SEMA3D: variants seen among roughly 807,000 people sequenced by gnomAD.
The protein encoded by SEMA3D is semaphorin 3D, also known as semaphorin-3D.
A neutral mutation model predicts 100.1 loss-of-function variants in SEMA3D; 84 were observed. The ratio of observed to expected loss-of-function variants is 0.84; its 90% CI spans 0.70 to 1.01. SEMA3D has a LOEUF of 1.01. Ranked by LOEUF, SEMA3D falls within the 50% of genes least tolerant of loss-of-function variation. The probability of loss-of-function intolerance (pLI) is 0.00; values close to 1 mark genes in which losing one functional copy is unlikely to be tolerated. For missense variants in SEMA3D, 875 were observed against 934.1 expected (o/e 0.94, Z 0.82); for synonymous variants, 312 against 320.7 (o/e 0.97, Z 0.29).
the SEMA3D span, among the ~76,000 whole-genome samples, chr7:85,224,311 T>C: frequency 1.3e-5 from 2 of 152,316 alleles, no homozygotes; most frequent in South Asian, 4.1e-4. Context: ...TCTGAATGCC[T>C]GCAGCAAATC....
the SEMA3D span, among the ~76,000 whole-genome samples, chr7:85,216,580 T>C: frequency 3.9e-5 from 6 of 151,982 alleles, no homozygotes; most frequent in Admixed American, 2.0e-4. Context: ...AAGAACACAA[T>C]GATTGCTCTT....
chr7:85,030,565 A>T (rs929938395), intron 12 of SEMA3D, among the ~76,000 whole-genome samples: 1 of 152,086 alleles, frequency 6.6e-6, no homozygotes, highest in Admixed American at 6.6e-5. Context: ...AAAGTAAAAC[A>T]TGCATTTTAT....
chr7:85,172,645 C>G (rs1197391566), intron 1 of SEMA3D, among the ~76,000 whole-genome samples: 1 of 152,014 alleles, frequency 6.6e-6, no homozygotes, highest in Non-Finnish European at 1.5e-5. Context: ...TTCTGTTAGG[C>G]AACTTGATTG....
At chr7:85,166,096 T>A (rs1196142316) in intron 1 of SEMA3D, among the ~76,000 whole-genome samples, 1 of 152,058 alleles carries the variant, frequency 6.6e-6, no homozygotes, top group Non-Finnish European at 1.5e-5. Flanking sequence ...GAATCTAATT[T>A]GCTTGGAATG....
chr7:85,133,182 C>T (rs1789774504), intron 2 of SEMA3D, among the ~76,000 whole-genome samples: 1 of 151,904 alleles, frequency 6.6e-6, no homozygotes, highest in African/African-American at 2.4e-5. Context: ...AATATTTGTG[C>T]TATCTAATTT....
chr7:85,232,474 A>C, the SEMA3D span, among the ~76,000 whole-genome samples: 1 of 152,212 alleles, frequency 6.6e-6, no homozygotes, highest in East Asian at 1.9e-4. Flanking sequence ...GTAGAAAGAA[A>C]ATCTTAGTAT....
chr7:85,034,381 C>T (rs562252710), intron 12 of SEMA3D, among the ~76,000 whole-genome samples: 9 of 151,946 alleles, frequency 5.9e-5, no homozygotes, highest in South Asian at 4.2e-4. Context: ...ATGAGGTGGG[C>T]GGATCATCTG....
At chr7:85,040,925 C>T (rs923410565) in intron 10 of SEMA3D, among the ~76,000 whole-genome samples, 183 bp from the exon 11 acceptor site, 5 of 151,994 alleles carry the variant, frequency 3.3e-5, no homozygotes, top group African/African-American at 9.7e-5. Context: ...TGGTATGGTA[C>T]AATTGATAAT....
chr7:85,084,286 G>A (rs986142393), intron 4 of SEMA3D, among the ~76,000 whole-genome samples: 2 of 152,034 alleles, frequency 1.3e-5, no homozygotes, highest in South Asian at 2.1e-4. Context: ...GGTTAAAAAC[G>A]CATAACATAA....
chr7:85,150,030 A>T (rs1790322878), intron 2 of SEMA3D, among the ~76,000 whole-genome samples: 1 of 152,090 alleles, frequency 6.6e-6, no homozygotes, highest in South Asian at 2.1e-4. Flanking sequence ...AACAGGTACT[A>T]AGGATCTCAG....
intron 3 of SEMA3D, among the ~76,000 whole-genome samples, chr7:85,098,838 TC>T (rs551933504): frequency 6.6e-6 from 1 of 151,966 alleles, no homozygotes; most frequent in South Asian, 2.1e-4. Flanking sequence ...TTCATCCTTC[TC>T]CCCCACCCCT....
At chr7:85,079,178 A>C (rs1037868918) in intron 5 of SEMA3D, among the ~76,000 whole-genome samples, 4 of 152,196 alleles carry the variant, frequency 2.6e-5, no homozygotes, top group African/African-American at 9.7e-5. Context: ...AGAAAATAAT[A>C]ATAAAATCTA....
At chr7:85,046,182 A>G (rs1791004011) in intron 9 of SEMA3D, among the ~76,000 whole-genome samples, 3 of 151,962 alleles carry the variant, frequency 2.0e-5, no homozygotes, top group African/African-American at 7.2e-5. Flanking sequence ...AGGCATATAC[A>G]GTATTCATAA....
At chr7:85,196,482 T>G in the SEMA3D span, among the ~76,000 whole-genome samples, 4 of 152,072 alleles carry the variant, frequency 2.6e-5, no homozygotes, top group Non-Finnish European at 5.9e-5. Context: ...GATTAATAAC[T>G]CTGGTCATCA....
intron 2 of SEMA3D, among the ~76,000 whole-genome samples, chr7:85,131,467 C>T (rs142742074): frequency 1.1e-4 from 16 of 151,974 alleles, no homozygotes; most frequent in African/African-American, 2.9e-4. Flanking sequence ...ACTAAATACC[C>T]GATCAACAAT....
chr7:85,211,537 TAG>T, the SEMA3D span, among the ~76,000 whole-genome samples: 4 of 152,116 alleles, frequency 2.6e-5, no homozygotes, highest in African/African-American at 9.6e-5. Context: ...GGGGCATCTA[TAG>T]CAAAATGCAA....
At chr7:85,022,734 C>T in intron 12 of SEMA3D, 121 bp from the exon 13 acceptor site, 1 of 676,110 alleles carries the variant, frequency 1.5e-6, no homozygotes, top group Non-Finnish European at 2.6e-6. Context: ...ACAACAGAGT[C>T]AATATGGAAT....
At chr7:85,155,087 A>T (rs912327735) in intron 1 of SEMA3D, among the ~76,000 whole-genome samples, 2 of 152,128 alleles carry the variant, frequency 1.3e-5, no homozygotes, top group African/African-American at 4.8e-5. Context: ...CACATGCAGA[A>T]AAGTTGAAGT....
chr7:85,030,245 A>T (rs1790509942), intron 12 of SEMA3D, among the ~76,000 whole-genome samples: 1 of 151,756 alleles, frequency 6.6e-6, no homozygotes, highest in Admixed American at 6.6e-5. Context: ...TAAAAAGAAC[A>T]GGCTTTTCTG....
Sources: allele counts gnomAD v4.1 joint callset (sites outside exome capture counted in the v4.1 genomes callset), GRCh38; gene constraint gnomAD v4.1.1; transcripts MANE v1.5; gene names NCBI Gene and HGNC (gene_info 2026-07-23, HGNC 2026-07-21).